The following ADAMTSL1 variants were observed in gnomAD, a reference collection of about 807,000 sequenced individuals.
ADAMTSL1 encodes the protein ADAMTS-like protein 1.
Under a neutral mutation model 201.8 loss-of-function variants are expected in ADAMTSL1, and 126 were observed. The ratio of observed to expected loss-of-function variants is 0.62; its 90% CI spans 0.54 to 0.72. ADAMTSL1 has a LOEUF of 0.72. Among genes scored for constraint, ADAMTSL1 ranks in the 30% least tolerant of loss-of-function variants. The probability of loss-of-function intolerance (pLI) is 0.00; values close to 1 mark genes in which losing one functional copy is unlikely to be tolerated. For missense variants in ADAMTSL1, 2,679 were observed against 2,277.8 expected, an observed-to-expected ratio of 1.18 and a Z score of -3.59; for synonymous variants, 1,121 against 903.4, an observed-to-expected ratio of 1.24 and a Z score of -4.32.
chr9:18,170,279 G>A (rs561528907), intron 2 of ADAMTSL1, among the ~76,000 whole-genome samples: 1 of 151,996 alleles, frequency 6.6e-6, no homozygotes, highest in Middle Eastern at 3.4e-3. Flanking sequence ...ACATTTTTAT[G>A]GAAAGGAAAA....
chr9:17,926,896 G>A (rs1298006013), intron 1 of ADAMTSL1, among the ~76,000 whole-genome samples: 1 of 152,018 alleles, frequency 6.6e-6, no homozygotes, highest in Non-Finnish European at 1.5e-5. Flanking sequence ...TAAAACTTAT[G>A]GTAGAATATA....
intron 1 of ADAMTSL1, among the ~76,000 whole-genome samples, chr9:18,038,825 C>G (rs553403666): frequency 1.3e-5 from 2 of 152,290 alleles, no homozygotes; most frequent in African/African-American, 4.8e-5. Flanking sequence ...CATTGGAAAG[C>G]AATTGTTACA....
chr9:18,385,151 G>A (rs1303036896), intron 2 of ADAMTSL1, among the ~76,000 whole-genome samples: 1 of 152,172 alleles, frequency 6.6e-6, no homozygotes, highest in Non-Finnish European at 1.5e-5. Context: ...TGCTATTGTG[G>A]AGAGTCTGGG....
chr9:18,867,003 T>C (rs988417203), intron 23 of ADAMTSL1, among the ~76,000 whole-genome samples: 1 of 152,226 alleles, frequency 6.6e-6, no homozygotes. Context: ...TCAGGAGGTG[T>C]GCACAGCCCT....
chr9:18,378,001 C>T (rs1195515126), intron 2 of ADAMTSL1, among the ~76,000 whole-genome samples: 2 of 152,202 alleles, frequency 1.3e-5, no homozygotes, highest in Admixed American at 1.3e-4. Context: ...GCTGGGGTGC[C>T]AGCGTTTTGG....
Position 18,690,792 on chromosome 9 carries a change from T to C in ADAMTSL1, c.1574+5992T>C, listed in dbSNP as rs144376141. Among the ~76,000 whole-genome samples the C allele has an allele frequency of 1.1e-4, 16 of 152,332 alleles. 1 individual carries two copies. In the East Asian group the frequency reaches 2.9e-3, roughly 28 times the overall value. On this transcript the variant is annotated intron_variant, in intron 13 of 28. Coordinates refer to ENST00000380548, the MANE Select transcript of ADAMTSL1 (RefSeq NM_001040272.6). ...TTCCAACACCTTCCTTTCTGGCCTCTTCCCTATTCTCTGCAGCAGCAAAGT... is the reference window on the plus strand; with the variant it reads ...TTCCAACACCTTCCTTTCTGGCCTCCTCCCTATTCTCTGCAGCAGCAAAGT...
chr9:18,391,210 A>G (rs1838031882), intron 2 of ADAMTSL1, among the ~76,000 whole-genome samples: 3 of 152,128 alleles, frequency 2.0e-5, no homozygotes, highest in African/African-American at 7.2e-5. Context: ...TCATTTTTAT[A>G]CCTTTTTCCT....
intron 1 of ADAMTSL1, among the ~76,000 whole-genome samples, chr9:17,950,427 A>G (rs1432142032): frequency 6.6e-6 from 1 of 151,996 alleles, no homozygotes; most frequent in Non-Finnish European, 1.5e-5. Flanking sequence ...ATCCTTTCCC[A>G]GAAGAAATTT....
chr9:18,507,964 C>T (rs1817786908), intron 2 of ADAMTSL1, among the ~76,000 whole-genome samples: 2 of 152,084 alleles, frequency 1.3e-5, no homozygotes, highest in Admixed American at 1.3e-4. Flanking sequence ...GCGGGTGGAT[C>T]ACCTGAGGTC....
chr9:18,842,019 T>C (rs2131323130), intron 23 of ADAMTSL1, among the ~76,000 whole-genome samples: 1 of 151,716 alleles, frequency 6.6e-6, no homozygotes, highest in Admixed American at 6.6e-5. Flanking sequence ...TTGAAGGGTT[T>C]TTTGTGTCTC....
chr9:18,269,211 A>G (rs986385542), intron 2 of ADAMTSL1, among the ~76,000 whole-genome samples: 1 of 152,150 alleles, frequency 6.6e-6, no homozygotes, highest in Non-Finnish European at 1.5e-5. Flanking sequence ...CTTGCTTCAT[A>G]GTTATTTATA....
chr9:18,778,739 A>G (rs534896508), intron 19 of ADAMTSL1, among the ~76,000 whole-genome samples: 9 of 152,322 alleles, frequency 5.9e-5, no homozygotes, highest in African/African-American at 2.2e-4. Flanking sequence ...AGTGGATACA[A>G]TTTTTATCCA....
At chr9:18,064,237 G>A (rs1232809182) in intron 1 of ADAMTSL1, among the ~76,000 whole-genome samples, 1 of 151,962 alleles carries the variant, frequency 6.6e-6, no homozygotes, top group Non-Finnish European at 1.5e-5. Context: ...TTGGGGGTGG[G>A]TTGCACCGTG....
At chr9:18,032,307 C>T (rs1023099277) in intron 1 of ADAMTSL1, among the ~76,000 whole-genome samples, 6 of 152,228 alleles carry the variant, frequency 3.9e-5, no homozygotes, top group Non-Finnish European at 7.3e-5. Flanking sequence ...CTCAATACCC[C>T]TCAGGGTAGT....
chr9:18,561,991 T>C (rs1821534971), intron 3 of ADAMTSL1, among the ~76,000 whole-genome samples: 1 of 152,196 alleles, frequency 6.6e-6, no homozygotes, highest in South Asian at 2.1e-4. Context: ...CCAGTCTGTG[T>C]CTTTTAATTG....
At chr9:18,637,506 A>G (rs147059073) in intron 6 of ADAMTSL1, among the ~76,000 whole-genome samples, 126 of 152,312 alleles carry the variant, frequency 8.3e-4, no homozygotes, top group African/African-American at 3.0e-3. Flanking sequence ...TTAGTCTCAT[A>G]GATTTCATAA....
chr9:18,630,792 C>A (rs1324130884), intron 5 of ADAMTSL1, among the ~76,000 whole-genome samples: 1 of 152,152 alleles, frequency 6.6e-6, no homozygotes, highest in African/African-American at 2.4e-5. Flanking sequence ...TGGTGCTGGG[C>A]TTTCAATTCA....
At chr9:18,417,325 G>T (rs1587133027) in intron 2 of ADAMTSL1, among the ~76,000 whole-genome samples, 1 of 55,670 alleles carries the variant, frequency 1.8e-5, no homozygotes, top group East Asian at 6.3e-4. Context: ...CTTTAAACTA[G>T]AAACTAGAAA....
intron 1 of ADAMTSL1, among the ~76,000 whole-genome samples, chr9:18,031,230 T>A (rs1820941475): frequency 6.6e-6 from 1 of 152,228 alleles, no homozygotes; most frequent in African/African-American, 2.4e-5. Flanking sequence ...ATTTTTAAAT[T>A]GCTAGAGTTC....
Sources: gnomAD v4.1 joint callset for allele counts (sites outside exome capture counted in the v4.1 genomes callset) on GRCh38, gnomAD v4.1.1 for gene constraint, MANE v1.5 for transcripts, NCBI Gene and HGNC (gene_info 2026-07-23, HGNC 2026-07-21) for gene names.